Variants in MDGA2 observed in about 807,000 individuals in gnomAD.
The protein encoded by MDGA2 is MAM domain-containing glycosylphosphatidylinositol anchor protein 2.
A neutral mutation model predicts 117.8 loss-of-function variants in MDGA2; 40 were observed. The observed-to-expected ratio is 0.34, with a 90% CI of 0.26 to 0.44. The LOEUF (loss-of-function observed/expected upper bound fraction) is 0.44. MDGA2 is among the 20% of genes least tolerant of loss of function. MDGA2 has a pLI of 1.00. For missense variants in MDGA2, 1,123 were observed against 1,250.6 expected (o/e 0.90, Z 1.54); for synonymous variants, 452 against 439.0 (o/e 1.03, Z -0.37).
intron 2 of MDGA2, among the ~76,000 whole-genome samples, chr14:47,283,669 AC>A (rs1888576008): frequency 6.6e-6 from 1 of 152,086 alleles, no homozygotes; most frequent in South Asian, 2.1e-4. Flanking sequence ...AAATTCTCAA[AC>A]CCCATTTTCA....
chr14:47,042,708 T>C (rs1021541472), intron 7 of MDGA2, among the ~76,000 whole-genome samples: 13 of 152,154 alleles, frequency 8.5e-5, no homozygotes, highest in Admixed American at 2.6e-4. Flanking sequence ...ACATCACTAA[T>C]GATAGCTCAC....
At chr14:47,140,301 A>G (rs941369232) in intron 4 of MDGA2, among the ~76,000 whole-genome samples, 9 of 152,210 alleles carry the variant, frequency 5.9e-5, no homozygotes, top group South Asian at 2.1e-4. Context: ...CAAAATACCA[A>G]TGAAATTCTT....
intron 5 of MDGA2, among the ~76,000 whole-genome samples, chr14:47,119,191 C>G (rs1484054684): frequency 2.1e-5 from 2 of 93,208 alleles, no homozygotes; most frequent in African/African-American, 6.7e-5. Flanking sequence ...CCCCCCCACC[C>G]CGTAGCTGGG....
chr14:47,157,509 C>A (rs541650716), intron 3 of MDGA2, among the ~76,000 whole-genome samples: 27 of 151,890 alleles, frequency 1.8e-4, no homozygotes, highest in Non-Finnish European at 3.7e-4. Flanking sequence ...CAGGATTTTT[C>A]TTTTACCTCT....
At chr14:47,373,620 T>C (rs533733196) in intron 1 of MDGA2, among the ~76,000 whole-genome samples, 15 of 152,138 alleles carry the variant, frequency 9.9e-5, no homozygotes, top group African/African-American at 3.1e-4. Context: ...ATAGAGACAG[T>C]AAGTCAGGGG....
chr14:47,199,772 A>C (rs1885421998), intron 3 of MDGA2, among the ~76,000 whole-genome samples: 1 of 152,202 alleles, frequency 6.6e-6, no homozygotes, highest in South Asian at 2.1e-4. Context: ...ACAGAATAGT[A>C]ATTCAGATCA....
At chr14:47,600,299 T>C (rs1448608617) in intron 1 of MDGA2, among the ~76,000 whole-genome samples, 1 of 151,800 alleles carries the variant, frequency 6.6e-6, no homozygotes, top group African/African-American at 2.4e-5. Context: ...TTGCAGGTGG[T>C]GGCGTCCACC....
At chr14:47,559,988 A>G (rs1377617575) in intron 1 of MDGA2, among the ~76,000 whole-genome samples, 1 of 152,172 alleles carries the variant, frequency 6.6e-6, no homozygotes, top group Admixed American at 6.5e-5. Flanking sequence ...GTTTTCCACA[A>G]TGGCTGAACT....
chr14:47,497,718 G>A (rs549212979), intron 1 of MDGA2, among the ~76,000 whole-genome samples: 2 of 152,256 alleles, frequency 1.3e-5, no homozygotes, highest in African/African-American at 2.4e-5. Flanking sequence ...TTATGCTCTA[G>A]TTAAAGTAAC....
chr14:47,434,046 C>A (rs752125726), intron 1 of MDGA2, among the ~76,000 whole-genome samples: 1 of 151,912 alleles, frequency 6.6e-6, no homozygotes, highest in Non-Finnish European at 1.5e-5. Flanking sequence ...AAGATAAAAG[C>A]TTTTCATATC....
intron 1 of MDGA2, among the ~76,000 whole-genome samples, chr14:47,360,374 TAAATAAATAAATAAATA>T (rs2138368733): frequency 7.1e-6 from 1 of 140,232 alleles, no homozygotes; most frequent in Non-Finnish European, 1.6e-5. Context: ...AATAAATAAA[TAAATAAATAAATAAATA>T]AAATAAAATA....
intron 16 of MDGA2, among the ~76,000 whole-genome samples, chr14:46,843,170 C>G (rs990022946): frequency 6.6e-6 from 1 of 151,802 alleles, no homozygotes; most frequent in Non-Finnish European, 1.5e-5. Context: ...TAAAAATGTT[C>G]TATTGTAATA....
At chr14:47,138,061 A>C (rs2139178541) in intron 4 of MDGA2, among the ~76,000 whole-genome samples, 1 of 152,300 alleles carries the variant, frequency 6.6e-6, no homozygotes, top group African/African-American at 2.4e-5. Context: ...GTCAGCATAT[A>C]ATAAAAATAT....
intron 5 of MDGA2, among the ~76,000 whole-genome samples, chr14:47,107,655 G>A (rs55633325): frequency 0.52 from 75,326 of 145,518 alleles, 19,464 homozygotes; most frequent in African/African-American, 0.64. Context: ...TCTCCCTGCC[G>A]ATCGTGTCCG....
intron 8 of MDGA2, among the ~76,000 whole-genome samples, chr14:46,998,274 T>C (rs1887372827): frequency 6.6e-6 from 1 of 152,024 alleles, no homozygotes; most frequent in Non-Finnish European, 1.5e-5. Flanking sequence ...TGAGATCCAG[T>C]CTCTATAAAA....
intron 8 of MDGA2, among the ~76,000 whole-genome samples, chr14:47,014,225 C>A (rs960022453): frequency 4.6e-5 from 7 of 152,080 alleles, no homozygotes; most frequent in African/African-American, 1.7e-4. Flanking sequence ...AGATGTGCTG[C>A]CATCCAAGCT....
At chr14:47,313,362 T>A (rs1889703605) in intron 1 of MDGA2, among the ~76,000 whole-genome samples, 1 of 152,136 alleles carries the variant, frequency 6.6e-6, no homozygotes, top group African/African-American at 2.4e-5. Context: ...AGACTTAACC[T>A]CCCAGGCTCA....
At chr14:47,673,767 C>T (rs192589945) in intron 1 of MDGA2, among the ~76,000 whole-genome samples, 2 of 151,740 alleles carry the variant, frequency 1.3e-5, no homozygotes, top group African/African-American at 4.8e-5. Flanking sequence ...ACAAGCTTGC[C>T]CTTCTCTAGT....
chr14:47,171,353 A>C (rs908703251), intron 3 of MDGA2, among the ~76,000 whole-genome samples: 14 of 152,324 alleles, frequency 9.2e-5, no homozygotes, highest in African/African-American at 3.4e-4. Context: ...TATGCCATAA[A>C]AACAAGTAAA....
Sources: gnomAD v4.1 joint callset for allele counts (sites outside exome capture counted in the v4.1 genomes callset) on GRCh38, gnomAD v4.1.1 for gene constraint, MANE v1.5 for transcripts, NCBI Gene and HGNC (gene_info 2026-07-23, HGNC 2026-07-21) for gene names.